RBFOX1: variants seen among roughly 807,000 people sequenced by gnomAD.
RBFOX1 encodes the protein RNA binding fox-1 homolog 1, also known as RNA binding protein fox-1 homolog 1.
A neutral mutation model predicts 57.7 loss-of-function variants in RBFOX1; 8 were observed. The ratio of observed to expected loss-of-function variants is 0.14; its 90% CI spans 0.08 to 0.25. RBFOX1 has a LOEUF of 0.25. RBFOX1 is among the 10% of genes least tolerant of loss of function. The pLI is 1.00. For missense variants in RBFOX1, 611 were observed against 548.5 expected, an observed-to-expected ratio of 1.11 and a Z score of -1.14; for synonymous variants, 326 against 222.4, an observed-to-expected ratio of 1.47 and a Z score of -4.15.
chr16:6,406,941 C>G (rs1007714306), intron 2 of RBFOX1, among the ~76,000 whole-genome samples: 5 of 152,278 alleles, frequency 3.3e-5, no homozygotes, highest in African/African-American at 1.2e-4. Context: ...CTCTGCTGCC[C>G]ATCGGTAAAA....
At chr16:7,199,483 G>A (rs562980853) in intron 4 of RBFOX1, among the ~76,000 whole-genome samples, 2 of 152,230 alleles carry the variant, frequency 1.3e-5, no homozygotes, top group East Asian at 1.9e-4. Flanking sequence ...CTGAAGGTTT[G>A]GAAGTTTTAA....
At chr16:6,907,474 T>G (rs1163965323) in intron 3 of RBFOX1, among the ~76,000 whole-genome samples, 1 of 152,160 alleles carries the variant, frequency 6.6e-6, no homozygotes, top group Non-Finnish European at 1.5e-5. Context: ...AGGCTAGAAG[T>G]GTGAGATCAA....
intron 1 of RBFOX1, among the ~76,000 whole-genome samples, chr16:5,392,792 C>T (rs2066449714): frequency 1.3e-5 from 2 of 152,162 alleles, no homozygotes; most frequent in Non-Finnish European, 2.9e-5. Flanking sequence ...GTCTGTTGTA[C>T]ACTCGCCCCT....
chr16:6,547,379 A>C (rs985105913), intron 2 of RBFOX1, among the ~76,000 whole-genome samples: 10 of 152,186 alleles, frequency 6.6e-5, no homozygotes, highest in Non-Finnish European at 1.3e-4. Flanking sequence ...GAGGATAATT[A>C]ACTAAGAAAC....
At chr16:5,554,427 A>G (rs574592658) in intron 2 of RBFOX1, among the ~76,000 whole-genome samples, 32 of 152,198 alleles carry the variant, frequency 2.1e-4, no homozygotes, top group Non-Finnish European at 4.3e-4. Context: ...TATTTTCAAA[A>G]GAGGTTCTTC....
chr16:6,904,983 C>G (rs542057559), intron 3 of RBFOX1, among the ~76,000 whole-genome samples: 1 of 152,136 alleles, frequency 6.6e-6, no homozygotes, highest in East Asian at 1.9e-4. Context: ...GGCAGCCAGT[C>G]TGTCAGAGGT....
intron 3 of RBFOX1, among the ~76,000 whole-genome samples, chr16:6,979,606 T>G (rs879616466): frequency 1.3e-5 from 2 of 152,178 alleles, no homozygotes; most frequent in African/African-American, 2.4e-5. Context: ...TGTGACTCTT[T>G]CATTCACAGT....
At chr16:5,661,911 G>A (rs1418152214) in intron 3 of RBFOX1, among the ~76,000 whole-genome samples, 4 of 152,118 alleles carry the variant, frequency 2.6e-5, no homozygotes, top group East Asian at 1.9e-4. Flanking sequence ...GCAGCTGCCC[G>A]AGTCGCTGGG....
chr16:6,487,528 T>A (rs62016823), intron 2 of RBFOX1, among the ~76,000 whole-genome samples: 28,464 of 151,278 alleles, frequency 0.19, 2,678 homozygotes, highest in Middle Eastern at 0.22. Context: ...AGAAAAGAGC[T>A]GTGGTTAGTT....
intron 3 of RBFOX1, among the ~76,000 whole-genome samples, chr16:6,923,005 C>T (rs1170489646): frequency 6.6e-6 from 1 of 152,166 alleles, no homozygotes. Flanking sequence ...ACTTATAAAT[C>T]TATAGGCAGT....
chr16:7,110,075 T>C (rs1182586287), intron 4 of RBFOX1, among the ~76,000 whole-genome samples: 1 of 151,676 alleles, frequency 6.6e-6, no homozygotes, highest in Non-Finnish European at 1.5e-5. Context: ...AGAATCTCTG[T>C]GTGGTGGCTC....
intron 2 of RBFOX1, among the ~76,000 whole-genome samples, chr16:6,573,346 C>T (rs533803619): frequency 6.6e-6 from 1 of 152,262 alleles, no homozygotes; most frequent in South Asian, 2.1e-4. Context: ...TTTCTCCTGC[C>T]CCGGACTGTC....
At chr16:6,260,774 C>A (rs2097697252) in intron 1 of RBFOX1, among the ~76,000 whole-genome samples, 2 of 151,892 alleles carry the variant, frequency 1.3e-5, no homozygotes, top group African/African-American at 4.8e-5. Flanking sequence ...TCAGCTACTC[C>A]AGGGGCTGAG....
At chr16:5,647,570 C>G (rs976816660) in intron 3 of RBFOX1, among the ~76,000 whole-genome samples, 4 of 152,166 alleles carry the variant, frequency 2.6e-5, no homozygotes, top group African/African-American at 9.7e-5. Flanking sequence ...GAAACCCCAC[C>G]TCTTCTCCTT....
chr16:6,483,587 A>G (rs1275609698), intron 2 of RBFOX1: 3 of 1,382,956 alleles, frequency 2.2e-6, no homozygotes, highest in African/African-American at 3.0e-5. Flanking sequence ...TCAGGGAAGG[A>G]GAGAAAGAGG....
chr16:6,660,002 G>A (rs74358648), intron 3 of RBFOX1, among the ~76,000 whole-genome samples: 1,553 of 152,098 alleles, frequency 0.01, 30 homozygotes, highest in African/African-American at 0.035. Context: ...AGGGTGAGGC[G>A]GCCTCCAAGA....
chr16:7,376,115 C>T (rs1236699646), intron 4 of RBFOX1, among the ~76,000 whole-genome samples: 1 of 152,098 alleles, frequency 6.6e-6, no homozygotes, highest in Non-Finnish European at 1.5e-5. Context: ...TCTAAAACAA[C>T]AAGAAATAAT....
intron 4 of RBFOX1, among the ~76,000 whole-genome samples, chr16:7,148,431 C>A (rs574804164): frequency 6.6e-6 from 1 of 152,312 alleles, no homozygotes; most frequent in East Asian, 1.9e-4. Flanking sequence ...TAAGTTCCTT[C>A]TCTATGTATT....
At position 7,449,347 on chromosome 16, in the gene RBFOX1, C is replaced by T. The variant is rs150478706; in HGVS notation, c.28-68800C>T. Among the ~76,000 whole-genome samples, 129 of 152,210 alleles carry T rather than the reference C, an allele frequency of 8.5e-4. 1 individual carries two copies. The highest frequency in any genetic ancestry group is 1.6e-3 in the Non-Finnish European group (111 of 68,012). ...GGCAGGGGGACACTCTTCAACCCAC[C>T]ATGCCAAGTGAAAGTAGTCAGTGGG... is the stretch of plus-strand genomic sequence containing the variant. On this transcript the variant is annotated intron_variant, in intron 4 of 15. Transcript: ENST00000550418.
Sources: allele counts gnomAD v4.1 joint callset (sites outside exome capture counted in the v4.1 genomes callset), GRCh38; gene constraint gnomAD v4.1.1; transcripts MANE v1.5; gene names NCBI Gene and HGNC (gene_info 2026-07-23, HGNC 2026-07-21).